MIR2052HG: variants seen among roughly 807,000 people sequenced by gnomAD.
MIR2052HG encodes the protein MIR2052 host gene.
intron 4 of MIR2052HG, among the ~76,000 whole-genome samples, chr8:74,724,019 A>C (rs553609543): frequency 2.9e-4 from 44 of 152,238 alleles, no homozygotes; most frequent in African/African-American, 1.0e-3. Context: ...CCAGCAATTA[A>C]ATTTTGATGA....
chr8:74,662,768 G>A (rs1034156833), intron 2 of MIR2052HG, among the ~76,000 whole-genome samples: 5 of 151,894 alleles, frequency 3.3e-5, no homozygotes, highest in African/African-American at 1.2e-4. Context: ...AATGATAGGA[G>A]GGGCTTATGT....
At chr8:74,621,790 G>A (rs562775051) in intron 2 of MIR2052HG, among the ~76,000 whole-genome samples, 18 of 152,248 alleles carry the variant, frequency 1.2e-4, no homozygotes, top group African/African-American at 4.1e-4. Context: ...CCAAGACCAC[G>A]CTGTGGGGAA....
chr8:74,748,138 C>T (rs908236154), intron 4 of MIR2052HG, among the ~76,000 whole-genome samples: 2 of 152,088 alleles, frequency 1.3e-5, no homozygotes, highest in Non-Finnish European at 2.9e-5. Flanking sequence ...TACTTTCTCC[C>T]ATGTCTCTAA....
intron 4 of MIR2052HG, among the ~76,000 whole-genome samples, chr8:74,731,319 T>C (rs73687262): frequency 0.011 from 1,615 of 152,300 alleles, 31 homozygotes; most frequent in African/African-American, 0.036. Flanking sequence ...TCAAATACAT[T>C]GGGCCTCTTC....
At chr8:74,733,047 G>GACAT (rs1400123057) in intron 4 of MIR2052HG, among the ~76,000 whole-genome samples, 2 of 143,996 alleles carry the variant, frequency 1.4e-5, no homozygotes, top group African/African-American at 5.5e-5. Flanking sequence ...CCAATTAGGA[G>GACAT]ACATTTATTT....
chr8:74,678,771 T>C (rs1363566895), intron 2 of MIR2052HG, among the ~76,000 whole-genome samples: 1 of 151,550 alleles, frequency 6.6e-6, no homozygotes, highest in Non-Finnish European at 1.5e-5. Context: ...GACAGTAATA[T>C]AATAAAAAAG....
chr8:74,659,686 T>G (rs993712951), intron 2 of MIR2052HG, among the ~76,000 whole-genome samples: 1 of 152,166 alleles, frequency 6.6e-6, no homozygotes, highest in African/African-American at 2.4e-5. Context: ...CTTCAAGTGA[T>G]GCTGCCATTT....
intron 2 of MIR2052HG, among the ~76,000 whole-genome samples, chr8:74,648,481 T>G (rs1238131891): frequency 1.3e-5 from 2 of 152,180 alleles, no homozygotes; most frequent in East Asian, 3.9e-4. Flanking sequence ...TTGTGATCTT[T>G]TATTGCCCCT....
intron 2 of MIR2052HG, among the ~76,000 whole-genome samples, chr8:74,652,325 G>A (rs1472154633): frequency 6.6e-6 from 1 of 152,118 alleles, no homozygotes. Context: ...TAATATTTCT[G>A]GTTGGAGCCA....
At chr8:74,740,188 G>A (rs1809811206) in intron 4 of MIR2052HG, among the ~76,000 whole-genome samples, 1 of 152,004 alleles carries the variant, frequency 6.6e-6, no homozygotes, top group Non-Finnish European at 1.5e-5. Flanking sequence ...TTTGGGCTAG[G>A]CGCAGTGGGT....
At chr8:74,700,049 T>C (rs1809342908) in intron 2 of MIR2052HG, among the ~76,000 whole-genome samples, 1 of 152,160 alleles carries the variant, frequency 6.6e-6, no homozygotes, top group Non-Finnish European at 1.5e-5. Flanking sequence ...AACAATGCTA[T>C]GATGAAGGTA....
intron 2 of MIR2052HG, among the ~76,000 whole-genome samples, chr8:74,689,824 T>C (rs1353442004): frequency 6.6e-6 from 1 of 152,230 alleles, no homozygotes; most frequent in Non-Finnish European, 1.5e-5. Context: ...TTTATGCATC[T>C]CTCATATTCT....
intron 2 of MIR2052HG, among the ~76,000 whole-genome samples, chr8:74,644,698 C>G (rs1046604755): frequency 6.6e-6 from 1 of 151,908 alleles, no homozygotes; most frequent in African/African-American, 2.4e-5. Flanking sequence ...CAAGACCAGC[C>G]TGGGAAACAT....
At chr8:74,690,300 C>A (rs748298828) in intron 2 of MIR2052HG, among the ~76,000 whole-genome samples, 6 of 152,128 alleles carry the variant, frequency 3.9e-5, no homozygotes, top group Non-Finnish European at 7.3e-5. Flanking sequence ...AAAGACCTGT[C>A]ATCTGAGGTC....
chr8:74,614,305 C>T (rs913956897), intron 2 of MIR2052HG, among the ~76,000 whole-genome samples: 1 of 152,056 alleles, frequency 6.6e-6, no homozygotes, highest in Admixed American at 6.5e-5. Context: ...AAAATATTTC[C>T]TCTATTTATT....
intron 4 of MIR2052HG, among the ~76,000 whole-genome samples, chr8:74,731,182 G>A (rs1368638865): frequency 6.6e-6 from 1 of 152,180 alleles, no homozygotes; most frequent in South Asian, 2.1e-4. Context: ...GGCCACATGT[G>A]AACCAAACAA....
chr8:74,677,932 T>C (rs1809072433), intron 2 of MIR2052HG, among the ~76,000 whole-genome samples: 1 of 152,110 alleles, frequency 6.6e-6, no homozygotes, highest in Admixed American at 6.6e-5. Flanking sequence ...AAGTTACAAA[T>C]ATTATTACAG....
chr8:74,623,633 T>C (rs1808397395), intron 2 of MIR2052HG, among the ~76,000 whole-genome samples: 1 of 152,228 alleles, frequency 6.6e-6, no homozygotes, highest in African/African-American at 2.4e-5. Context: ...AACATAAAAC[T>C]TGTTTTTTCT....
intron 2 of MIR2052HG, among the ~76,000 whole-genome samples, chr8:74,613,379 T>G (rs903951266): frequency 6.6e-6 from 1 of 152,098 alleles, no homozygotes; most frequent in Non-Finnish European, 1.5e-5. Context: ...AAAGAGAGAG[T>G]CCATGTGTTT....
Sources: allele counts gnomAD v4.1 joint callset (sites outside exome capture counted in the v4.1 genomes callset), GRCh38; gene constraint gnomAD v4.1.1; transcripts MANE v1.5; gene names NCBI Gene and HGNC (gene_info 2026-07-23, HGNC 2026-07-21).